The following FHOD3 variants were observed in gnomAD, a reference collection of about 807,000 sequenced individuals.
FHOD3 encodes formin homology 2 domain containing 3, also known as FH1/FH2 domain-containing protein 3.
In FHOD3, 90 loss-of-function variants were observed where a neutral mutation model predicts 173.0. The ratio of observed to expected loss-of-function variants is 0.52; its 90% CI spans 0.44 to 0.62. The LOEUF is 0.62. Among genes scored for constraint, FHOD3 ranks in the 20% least tolerant of loss-of-function variants. FHOD3 has a pLI of 0.00. For missense variants in FHOD3, 1,945 were observed against 2,034.7 expected (o/e 0.96, Z 0.85); for synonymous variants, 828 against 823.0 (o/e 1.01, Z -0.10).
chr18:36,654,277 GT>G (rs1324588544), intron 13 of FHOD3, among the ~76,000 whole-genome samples: 1 of 152,104 alleles, frequency 6.6e-6, no homozygotes, highest in Non-Finnish European at 1.5e-5. Context: ...GTCTTTATGG[GT>G]ATCAGACCTT....
Position 36,323,418 on chromosome 18 carries a change from G to A in FHOD3, c.165+25418G>A, listed in dbSNP as rs559180538. On this transcript the variant is annotated intron_variant, in intron 1 of 28. Transcript: ENST00000590592. ...ACTCACCAAATGCAGCACATTTTCT[G>A]GAATGCTGTGGCCTTTGCTAGTTTG... Among the ~76,000 whole-genome samples the A allele has an allele frequency of 4.6e-5, 7 of 152,320 alleles. No homozygotes were observed. In the East Asian group the frequency reaches 1.3e-3, roughly 29 times the overall value.
chr18:36,489,990 C>T (rs2054384835), intron 3 of FHOD3, among the ~76,000 whole-genome samples: 2 of 152,168 alleles, frequency 1.3e-5, no homozygotes, highest in Admixed American at 6.5e-5. Flanking sequence ...CTGGCTGCCT[C>T]GGGGCAGTTG....
intron 3 of FHOD3, among the ~76,000 whole-genome samples, chr18:36,493,202 CTTTTCTTTTTCT>C (rs1171872363): frequency 7.5e-6 from 1 of 133,208 alleles, no homozygotes; most frequent in Non-Finnish European, 1.6e-5. Context: ...TGAACTTTTT[CTTTTCTTTTTCT>C]TTTTTTTTTT....
chr18:36,649,417 T>C lies in FHOD3; in HGVS notation c.1286+12T>C, dbSNP rs1158817590. Reference sequence around the variant, plus strand: ...CAGGGCAAGGACAGGTACCTAGGACTGGAGCCTCCCAAGCTCACACTAAAA... The same window carrying C: ...CAGGGCAAGGACAGGTACCTAGGACCGGAGCCTCCCAAGCTCACACTAAAA... On this transcript the variant is annotated intron_variant, in intron 11 of 28. Transcript: ENST00000590592. The C allele has an allele frequency of 2.0e-6, 3 of 1,531,464 alleles. No homozygotes were observed. The African/African-American group carries it at 4.1e-5, about 21-fold the overall frequency. 94.9% of individuals were successfully genotyped at this position (1,531,464 alleles called of 1,614,324 possible). A position where few individuals can be genotyped will look rare whatever the true frequency, so the allele number is the denominator to read the frequency against.
intron 16 of FHOD3, among the ~76,000 whole-genome samples, chr18:36,687,843 A>G (rs1050722373): frequency 3.3e-5 from 5 of 152,194 alleles, no homozygotes; most frequent in Non-Finnish European, 4.4e-5. Flanking sequence ...TATGGTACGA[A>G]TCTTTGTGGT....
intron 3 of FHOD3, among the ~76,000 whole-genome samples, chr18:36,450,439 G>GTTTATTTATTTATTTA (rs1380966170): frequency 3.3e-5 from 3 of 91,088 alleles, no homozygotes; most frequent in African/African-American, 4.2e-5. Context: ...TTTACGACCA[G>GTTTATTTATTTATTTA]TTTGTTTATT....
At chr18:36,315,643 A>G (rs1307450525) in intron 1 of FHOD3, among the ~76,000 whole-genome samples, 1 of 152,198 alleles carries the variant, frequency 6.6e-6, no homozygotes, top group Non-Finnish European at 1.5e-5. Flanking sequence ...GCCTCACAGC[A>G]GCAATGAGGG....
At chr18:36,609,174 G>A (rs568477371) in intron 8 of FHOD3, among the ~76,000 whole-genome samples, 1 of 152,204 alleles carries the variant, frequency 6.6e-6, no homozygotes, top group Non-Finnish European at 1.5e-5. Flanking sequence ...AGCTATGCTC[G>A]GCACCTTTAG....
At chr18:36,552,464 T>G (rs2057698229) in intron 5 of FHOD3, among the ~76,000 whole-genome samples, 1 of 152,112 alleles carries the variant, frequency 6.6e-6, no homozygotes, top group African/African-American at 2.4e-5. Flanking sequence ...TGACTTCCTC[T>G]TTTCCTAATT....
intron 5 of FHOD3, among the ~76,000 whole-genome samples, chr18:36,556,024 A>C (rs1312863732): frequency 6.6e-6 from 1 of 152,002 alleles, no homozygotes; most frequent in East Asian, 1.9e-4. Context: ...TAGATCTTTT[A>C]TATTTATTGT....
At chr18:36,735,586 T>C (rs1465443839) in intron 20 of FHOD3, among the ~76,000 whole-genome samples, 2 of 152,220 alleles carry the variant, frequency 1.3e-5, no homozygotes, top group Non-Finnish European at 2.9e-5. Flanking sequence ...TGCCCTAAAG[T>C]GCCTCAATGA....
rs184779936 is a variant in FHOD3, at chr18:36,634,611, G to A, written c.1196+8862G>A. On this transcript the variant is annotated intron_variant, in intron 10 of 28. Coordinates refer to ENST00000590592, the MANE Select transcript of FHOD3 (RefSeq NM_001281740.3). Reference sequence around the variant, plus strand: ...ACAAAATCTGCAACTCAGGTGACCTGCTCAGCCCTGGCTCCTGGAGGAAGG... The same window carrying A: ...ACAAAATCTGCAACTCAGGTGACCTACTCAGCCCTGGCTCCTGGAGGAAGG... 2.0e-4 allele frequency among the ~76,000 whole-genome samples: 30 copies of A among 152,258 alleles called. No individual in the cohort carries two copies. The East Asian group carries it at 5.4e-3, about 27-fold the overall frequency.
At chr18:36,355,486 T>C (rs2046318035) in intron 1 of FHOD3, 53 bp from the exon 2 acceptor site, 11 of 1,414,128 alleles carry the variant, frequency 7.8e-6, no homozygotes, top group Non-Finnish European at 1.0e-5. Context: ...TTTCTCCATA[T>C]GTAGTCTCCA....
At chr18:36,310,779 G>T (rs1460410407) in intron 1 of FHOD3, among the ~76,000 whole-genome samples, 1 of 152,062 alleles carries the variant, frequency 6.6e-6, no homozygotes, top group Non-Finnish European at 1.5e-5. Context: ...CGTGGAGAAG[G>T]AGGGTGGGGT....
At chr18:36,723,334 G>A (rs1385992666) in intron 19 of FHOD3, among the ~76,000 whole-genome samples, 1 of 152,104 alleles carries the variant, frequency 6.6e-6, no homozygotes. Context: ...CTTTGCTTGG[G>A]CTTAGTTTTT....
At chr18:36,424,569 G>T (rs1002206450) in intron 3 of FHOD3, among the ~76,000 whole-genome samples, 1 of 152,098 alleles carries the variant, frequency 6.6e-6, no homozygotes, top group Non-Finnish European at 1.5e-5. Flanking sequence ...GCAAAGAAAG[G>T]CTCAATAAAC....
At chr18:36,423,861 G>A (rs1458195870) in intron 3 of FHOD3, among the ~76,000 whole-genome samples, 5 of 152,142 alleles carry the variant, frequency 3.3e-5, no homozygotes, top group East Asian at 3.9e-4. Flanking sequence ...TGTTTTTCAC[G>A]GCAATCATCA....
chr18:36,636,722 G>C (rs1305850046), intron 10 of FHOD3, among the ~76,000 whole-genome samples: 1 of 150,444 alleles, frequency 6.6e-6, no homozygotes, highest in African/African-American at 2.5e-5. Context: ...ACTGACTAGA[G>C]ATGAGCCCTC....
chr18:36,387,010 G>A (rs1398958), intron 3 of FHOD3, among the ~76,000 whole-genome samples: 62,370 of 152,034 alleles, frequency 0.41, 13,461 homozygotes, highest in East Asian at 0.68. Context: ...TCTTAAGGCA[G>A]CCTTCCTTTG....
Sources: allele counts gnomAD v4.1 joint callset (sites outside exome capture counted in the v4.1 genomes callset), GRCh38; gene constraint gnomAD v4.1.1; transcripts MANE v1.5; gene names NCBI Gene and HGNC (gene_info 2026-07-23, HGNC 2026-07-21).